LY6S: variants seen among roughly 807,000 people sequenced by gnomAD.
LY6S encodes lymphocyte antigen 6S.
the LY6S span, among the ~76,000 whole-genome samples, chr8:143,047,256 C>T: frequency 1.3e-5 from 2 of 151,620 alleles, no homozygotes; most frequent in African/African-American, 4.8e-5. Context: ...TCTCCTGCCT[C>T]AGCCTCCGGA....
chr8:143,048,918 G>C, the LY6S span, among the ~76,000 whole-genome samples: 2 of 152,198 alleles, frequency 1.3e-5, no homozygotes, highest in East Asian at 1.9e-4. Context: ...GGACTGCATC[G>C]GGTATTCCAG....
the LY6S span, among the ~76,000 whole-genome samples, chr8:143,070,470 T>C: frequency 1.0e-4 from 4 of 38,580 alleles, no homozygotes; most frequent in South Asian, 9.6e-4. Flanking sequence ...ATATAATATA[T>C]ATATAAATAT....
the LY6S span, among the ~76,000 whole-genome samples, chr8:143,055,098 T>C: frequency 1.3e-5 from 2 of 152,248 alleles, no homozygotes; most frequent in Non-Finnish European, 1.5e-5. Context: ...GGAACTTCCA[T>C]GGGAACTTGG....
chr8:143,065,657 C>A, the LY6S span, among the ~76,000 whole-genome samples: 1 of 151,916 alleles, frequency 6.6e-6, no homozygotes, highest in Non-Finnish European at 1.5e-5. Flanking sequence ...CGCAGTATTG[C>A]CTGTACTGGA....
the LY6S span, among the ~76,000 whole-genome samples, chr8:143,040,861 G>C: frequency 6.6e-6 from 1 of 151,866 alleles, no homozygotes; most frequent in Non-Finnish European, 1.5e-5. Flanking sequence ...CTGGGCGTCC[G>C]GGGGAGACAT....
the LY6S span, among the ~76,000 whole-genome samples, chr8:143,055,076 A>G: frequency 1.3e-5 from 2 of 152,246 alleles, no homozygotes; most frequent in African/African-American, 4.8e-5. Flanking sequence ...GGCAGACAAA[A>G]TGGAATCTTT....
the LY6S span, among the ~76,000 whole-genome samples, chr8:143,073,133 T>C: frequency 0.019 from 829 of 44,520 alleles, no homozygotes; most frequent in East Asian, 0.073. Flanking sequence ...TCCTCGGGGT[T>C]CCTGTTTGAG....
At chr8:143,062,347 G>A in the LY6S span, among the ~76,000 whole-genome samples, 2 of 152,150 alleles carry the variant, frequency 1.3e-5, no homozygotes, top group Non-Finnish European at 1.5e-5. Context: ...AAGAGATGCA[G>A]AAGACCTCTA....
the LY6S span, chr8:143,043,244 G>C: frequency 7.3e-7 from 1 of 1,365,956 alleles, no homozygotes; most frequent in African/African-American, 1.5e-5. Context: ...AAGAGATCTG[G>C]GAGTCCACAA....
the LY6S span, chr8:143,044,898 C>A: frequency 5.9e-6 from 7 of 1,195,282 alleles, no homozygotes; most frequent in Non-Finnish European, 7.6e-6. Context: ...CCACTCTCAC[C>A]ACCACCCTTG....
the LY6S span, chr8:143,065,767 T>TTTCCTCTTTCTTTC: frequency 1.1e-5 from 1 of 90,742 alleles, no homozygotes; most frequent in Non-Finnish European, 2.3e-5. Context: ...TCTTTCTTTC[T>TTTCCTCTTTCTTTC]TTTCTCTTTC....
At chr8:143,071,316 G>T in the LY6S span, among the ~76,000 whole-genome samples, 2 of 152,206 alleles carry the variant, frequency 1.3e-5, no homozygotes, top group Admixed American at 6.5e-5. Flanking sequence ...AGGGCTATGG[G>T]ATAGAGGGGA....
the LY6S span, among the ~76,000 whole-genome samples, chr8:143,072,784 C>T: frequency 1.6e-5 from 2 of 128,658 alleles, no homozygotes; most frequent in Non-Finnish European, 3.2e-5. Context: ...CAGCCGTCGT[C>T]CCCGGGGTCC....
the LY6S span, chr8:143,042,915 C>T: frequency 1.9e-6 from 2 of 1,035,946 alleles, no homozygotes; most frequent in Non-Finnish European, 2.8e-6. Flanking sequence ...AGGGCCTGGG[C>T]CCAGAGGACA....
At chr8:143,044,041 GCTGAGGGT>G in the LY6S span, 1 of 405,374 alleles carries the variant, frequency 2.5e-6, no homozygotes, top group East Asian at 1.0e-4. Flanking sequence ...AGCTCCGAGA[GCTGAGGGT>G]GCTGAGGGTG....
chr8:143,043,375 GC>G, the LY6S span: 6 of 622,162 alleles, frequency 9.6e-6, no homozygotes, highest in African/African-American at 9.6e-5. Context: ...GCAGGGCCCT[GC>G]CCCGGGGCCT....
the LY6S span, among the ~76,000 whole-genome samples, chr8:143,052,206 G>C: frequency 4.1e-4 from 62 of 152,042 alleles, no homozygotes; most frequent in South Asian, 0.012. Flanking sequence ...GCGTGAACCC[G>C]GGAGGCAGAG....
At chr8:143,052,621 G>A in the LY6S span, among the ~76,000 whole-genome samples, 1 of 152,164 alleles carries the variant, frequency 6.6e-6, no homozygotes, top group Middle Eastern at 3.2e-3. Flanking sequence ...TACAGAAGTG[G>A]TCAAGGCATG....
the LY6S span, among the ~76,000 whole-genome samples, chr8:143,048,316 A>G: frequency 6.6e-6 from 1 of 152,100 alleles, no homozygotes; most frequent in Non-Finnish European, 1.5e-5. Flanking sequence ...TGCTCTCAAC[A>G]TTCAGTATTT....
Sources: gnomAD v4.1 joint callset for allele counts (sites outside exome capture counted in the v4.1 genomes callset) on GRCh38, gnomAD v4.1.1 for gene constraint, MANE v1.5 for transcripts, NCBI Gene and HGNC (gene_info 2026-07-23, HGNC 2026-07-21) for gene names.